ASIC2: variants seen among roughly 807,000 people sequenced by gnomAD.
ASIC2 encodes the protein acid sensing ion channel subunit 2, also known as acid-sensing ion channel 2.
Under a neutral mutation model 57.3 loss-of-function variants are expected in ASIC2, and 25 were observed. The observed-to-expected ratio is 0.44, with a 90% CI of 0.32 to 0.61. The LOEUF (loss-of-function observed/expected upper bound fraction) is 0.61. Ranked by LOEUF, ASIC2 falls within the 20% of genes least tolerant of loss-of-function variation. ASIC2 has a pLI of 0.06. For missense variants in ASIC2, 641 were observed against 738.1 expected (o/e 0.87, Z 1.52); for synonymous variants, 319 against 307.5 (o/e 1.04, Z -0.39).
At chr17:33,881,551 C>T (rs1300751951) in intron 1 of ASIC2, among the ~76,000 whole-genome samples, 2 of 152,154 alleles carry the variant, frequency 1.3e-5, no homozygotes, top group African/African-American at 4.8e-5. Context: ...ATCCAACTTA[C>T]AAGGGATGTG....
At chr17:33,364,875 A>C (rs1225842642) in intron 1 of ASIC2, among the ~76,000 whole-genome samples, 2 of 152,206 alleles carry the variant, frequency 1.3e-5, no homozygotes, top group Non-Finnish European at 2.9e-5. Flanking sequence ...TGAGTACTGC[A>C]CAGCCCTCCT....
chr17:34,107,870 A>G (rs961599549), intron 1 of ASIC2, among the ~76,000 whole-genome samples: 1 of 152,184 alleles, frequency 6.6e-6, no homozygotes, highest in African/African-American at 2.4e-5. Flanking sequence ...TATTATTAGC[A>G]TGCATCCGAA....
intron 1 of ASIC2, among the ~76,000 whole-genome samples, chr17:33,184,573 G>A (rs1451574775): frequency 6.6e-6 from 1 of 152,162 alleles, no homozygotes; most frequent in Non-Finnish European, 1.5e-5. Context: ...GGATCATCTG[G>A]TCAGAGCAGT....
intron 1 of ASIC2, among the ~76,000 whole-genome samples, chr17:33,524,996 G>A (rs1914845250): frequency 6.6e-6 from 1 of 152,182 alleles, no homozygotes; most frequent in South Asian, 2.1e-4. Context: ...AAAGGTCCTT[G>A]TGACCCTCAA....
At chr17:34,052,853 A>G (rs1597995811) in intron 1 of ASIC2, among the ~76,000 whole-genome samples, 1 of 152,116 alleles carries the variant, frequency 6.6e-6, no homozygotes. Flanking sequence ...TCCTGACCTC[A>G]GGTGATCCAC....
chr17:34,113,352 A>T (rs563953271), intron 1 of ASIC2, among the ~76,000 whole-genome samples: 83 of 151,898 alleles, frequency 5.5e-4, no homozygotes, highest in African/African-American at 2.0e-3. Flanking sequence ...CTTGAGCTCA[A>T]GGGTTTGAGA....
At chr17:33,259,138 T>C (rs1909188289) in intron 1 of ASIC2, among the ~76,000 whole-genome samples, 1 of 152,206 alleles carries the variant, frequency 6.6e-6, no homozygotes, top group African/African-American at 2.4e-5. Flanking sequence ...GTGGCATTTG[T>C]CTAAAACTTG....
At chr17:33,185,136 T>C (rs746435579) in intron 1 of ASIC2, among the ~76,000 whole-genome samples, 79 of 152,250 alleles carry the variant, frequency 5.2e-4, no homozygotes, top group Non-Finnish European at 1.0e-3. Flanking sequence ...ATGCCTGGTC[T>C]GTGATGCTGC....
chr17:33,458,121 A>G (rs1024855043), intron 1 of ASIC2, among the ~76,000 whole-genome samples: 7 of 152,170 alleles, frequency 4.6e-5, no homozygotes, highest in Non-Finnish European at 7.3e-5. Flanking sequence ...ATGGCAGGTT[A>G]TGGAGTGGAA....
rs374306909 is a variant in ASIC2 at position 33,215,882 on chromosome 17, G to C, written c.708+75526C>G. ...GCCTGGCTAATTTTTTGTATTTTTA[G>C]TAGAGACGGGGTTTCACCGTGTTAG... On this transcript the variant is annotated intron_variant, in intron 1 of 9. Coordinates refer to ENST00000225823, the MANE Select transcript of ASIC2 (RefSeq NM_183377.2). Among the ~76,000 whole-genome samples, 763 of 152,176 alleles carry C rather than the reference G, an allele frequency of 5.0e-3. 5 individuals are homozygous for C. The highest frequency in any genetic ancestry group is 0.02 in the Middle Eastern group (6 of 294).
chr17:33,024,138 A>AG, intron 5 of ASIC2, 124 bp from the exon 6 acceptor site: 1 of 1,291,584 alleles, frequency 7.7e-7, no homozygotes, highest in East Asian at 2.3e-5. Flanking sequence ...GGGGAAAGTG[A>AG]GGGGCAGGGA....
At chr17:33,276,851 C>T (rs1015978059) in intron 1 of ASIC2, among the ~76,000 whole-genome samples, 12 of 152,144 alleles carry the variant, frequency 7.9e-5, no homozygotes, top group African/African-American at 2.9e-4. Flanking sequence ...GAACTCTGTC[C>T]AAAGGATGAT....
intron 1 of ASIC2, among the ~76,000 whole-genome samples, chr17:34,073,012 C>T (rs371953439): frequency 1.3e-5 from 2 of 151,994 alleles, no homozygotes; most frequent in African/African-American, 2.4e-5. Context: ...TGCCAGGTAA[C>T]GTATTCACAG....
chr17:33,287,458 C>T (rs561106680), intron 1 of ASIC2, among the ~76,000 whole-genome samples: 6 of 152,360 alleles, frequency 3.9e-5, no homozygotes, highest in Admixed American at 2.6e-4. Context: ...TTGCATCCCA[C>T]CCAATTACTG....
intron 1 of ASIC2, among the ~76,000 whole-genome samples, chr17:33,468,653 T>C (rs1567622439): frequency 6.6e-6 from 1 of 151,892 alleles, no homozygotes; most frequent in Non-Finnish European, 1.5e-5. Context: ...ATAAATTATA[T>C]ATATTTGTAT....
At chr17:33,054,881 C>T (rs1490799955) in intron 3 of ASIC2, among the ~76,000 whole-genome samples, 3 of 152,066 alleles carry the variant, frequency 2.0e-5, no homozygotes, top group East Asian at 1.9e-4. Flanking sequence ...TATTTTAGGG[C>T]GTGATGTAGG....
At chr17:33,658,995 T>C (rs567026172) in intron 1 of ASIC2, among the ~76,000 whole-genome samples, 1 of 152,232 alleles carries the variant, frequency 6.6e-6, no homozygotes, top group South Asian at 2.1e-4. Flanking sequence ...AGAGTGAGAC[T>C]CTTGTCTCAA....
At chr17:33,108,183 G>A (rs2092242683) in intron 2 of ASIC2, among the ~76,000 whole-genome samples, 1 of 152,198 alleles carries the variant, frequency 6.6e-6, no homozygotes, top group Non-Finnish European at 1.5e-5. Context: ...AGGAAGAGCT[G>A]GGATGGGGTC....
intron 1 of ASIC2, among the ~76,000 whole-genome samples, chr17:33,157,971 C>T (rs1276337490): frequency 6.6e-6 from 1 of 152,204 alleles, no homozygotes; most frequent in Non-Finnish European, 1.5e-5. Context: ...CTTGCTGTTC[C>T]CTCCTCCTGG....
Sources: allele counts gnomAD v4.1 joint callset (sites outside exome capture counted in the v4.1 genomes callset), GRCh38; gene constraint gnomAD v4.1.1; transcripts MANE v1.5; gene names NCBI Gene and HGNC (gene_info 2026-07-23, HGNC 2026-07-21).